Variants in HMGCL observed in about 807,000 individuals in gnomAD.
The protein encoded by HMGCL is hydroxymethylglutaryl-CoA lyase, mitochondrial.
A neutral mutation model predicts 37.3 loss-of-function variants in HMGCL; 26 were observed. The ratio of observed to expected loss-of-function variants is 0.70; its 90% CI spans 0.51 to 0.97. The LOEUF (loss-of-function observed/expected upper bound fraction) is 0.97. Among genes scored for constraint, HMGCL ranks in the 50% least tolerant of loss-of-function variants. The pLI is 0.00. For missense variants in HMGCL, 379 were observed against 398.1 expected (o/e 0.95, Z 0.41); for synonymous variants, 151 against 148.0 (o/e 1.02, Z -0.15).
intron 4 of HMGCL, among the ~76,000 whole-genome samples, chr1:23,814,989 T>C (rs964223945): frequency 9.2e-5 from 14 of 151,854 alleles, no homozygotes; most frequent in African/African-American, 3.4e-4. Context: ...GGGCAGATCA[T>C]GAGGTCAGGA....
At chr1:23,807,650 C>T (rs1425614356) in intron 7 of HMGCL, among the ~76,000 whole-genome samples, 1 of 152,204 alleles carries the variant, frequency 6.6e-6, no homozygotes, top group Non-Finnish European at 1.5e-5. Context: ...CCTCTGCTAG[C>T]TTCTCTACCT....
rs147420493 is a variant in HMGCL, at chr1:23,803,236, T to G, written c.877-672A>C. On this transcript the variant is annotated intron_variant, in intron 8 of 8. Transcript: ENST00000374490. ...TCTTTTTTTTGAGAGGGAGTCTCAC[T>G]GTGTCGCCAGGCTGGAGTACAGTGG... is the stretch of plus-strand genomic sequence containing the variant. 4.4e-3 allele frequency among the ~76,000 whole-genome samples: 675 copies of G among 152,018 alleles called. 6 individuals carry two copies. Among genetic ancestry groups the G allele is most frequent in the African/African-American group, 0.015 (638 of 41,446 alleles).
rs115611440 is a variant in HMGCL, at chr1:23,825,368, C to T, written c.48G>A (p.Ala16=). The part of the protein sequence containing the change: ...KALPRRLVGL[A]SLRAVSTSSM... Reference sequence around the variant, plus strand: ...TCGGGGCACTTACAGCCCGGAGGGACGCCAAGCCCACCAGTCGCCGCGGAA... The same window carrying T: ...TCGGGGCACTTACAGCCCGGAGGGATGCCAAGCCCACCAGTCGCCGCGGAA... Residue 16 remains alanine (A), a synonymous_variant, in exon 1 of 9, where the codon GCG becomes GCA. Coordinates refer to ENST00000374490, the MANE Select transcript of HMGCL (RefSeq NM_000191.3). 3,788 of 1,560,010 alleles carry T rather than the reference C, an allele frequency of 2.4e-3. 37 individuals are homozygous for T. In the African/African-American group the frequency reaches 0.028, roughly 11 times the overall value.
chr1:23,810,055 C>T (rs2473375), intron 6 of HMGCL: 95,346 of 153,994 alleles, frequency 0.62, 29,649 homozygotes, highest in South Asian at 0.71. Flanking sequence ...TTTGGTCATA[C>T]GGCAAGGATT....
At chr1:23,817,933 G>T (rs962970317) in intron 2 of HMGCL, among the ~76,000 whole-genome samples, 1 of 152,166 alleles carries the variant, frequency 6.6e-6, no homozygotes, top group Non-Finnish European at 1.5e-5. Context: ...TGTGTTCAGC[G>T]TATAGCTTCT....
intron 6 of HMGCL, chr1:23,810,526 G>C: frequency 1.8e-6 from 1 of 568,852 alleles, no homozygotes; most frequent in Non-Finnish European, 3.3e-6. Context: ...ATAGAGGCCA[G>C]GGGCTTCAAG....
chr1:23,823,179 C>CAAA (rs60736552), intron 1 of HMGCL, among the ~76,000 whole-genome samples: 488 of 37,090 alleles, frequency 0.013, 14 homozygotes, highest in African/African-American at 0.041. Flanking sequence ...TTCTTCATCT[C>CAAA]AAAAAAAAAA....
At chr1:23,821,869 T>G (rs1464053775) in intron 1 of HMGCL, among the ~76,000 whole-genome samples, 1 of 152,122 alleles carries the variant, frequency 6.6e-6, no homozygotes, top group African/African-American at 2.4e-5. Context: ...AAAAACTGGC[T>G]GTTCTTACAT....
chr1:23,819,960 G>A (rs1479741492), intron 2 of HMGCL, among the ~76,000 whole-genome samples: 1 of 152,128 alleles, frequency 6.6e-6, no homozygotes, highest in South Asian at 2.1e-4. Flanking sequence ...AGTCCATAGT[G>A]TATCTGACCC....
chr1:23,818,228 A>G (rs1281029665), intron 2 of HMGCL, among the ~76,000 whole-genome samples: 3 of 152,120 alleles, frequency 2.0e-5, no homozygotes, highest in African/African-American at 7.2e-5. Flanking sequence ...GGAGGCTGAG[A>G]CAGGCAGATC....
In HMGCL at chr1:23,820,492, G is replaced by A. The variant is rs1307803162; in HGVS notation, c.144+18C>T. 4 of 1,587,884 alleles carry A rather than the reference G, an allele frequency of 2.5e-6. No individual in the cohort carries two copies. The highest frequency in any genetic ancestry group is 3.5e-6 in the Non-Finnish European group (4 of 1,156,120). On this transcript the variant is annotated intron_variant, in intron 2 of 8. Transcript: ENST00000374490. Reference sequence around the variant, plus strand: ...GATGCTTGAAAAAACTGTTTTTTTGGCTCATTTCCAACTTTACCTTTTCAT... The same window carrying A: ...GATGCTTGAAAAAACTGTTTTTTTGACTCATTTCCAACTTTACCTTTTCAT...
At chr1:23,807,012 G>A (rs919713640) in intron 7 of HMGCL, 1 of 518,876 alleles carries the variant, frequency 1.9e-6, no homozygotes, top group African/African-American at 1.9e-5. Flanking sequence ...GGAAGCTACT[G>A]CCAGACGTCA....
chr1:23,806,595 G>A lies in HMGCL; in HGVS notation c.750+1540C>T, dbSNP rs1490232314. ...TCTCAAATGCTACCTTCTGAGTGAG[G>A]CCACTCTACAGAAAGGCCTGGCACT... On this transcript the variant is annotated intron_variant, in intron 7 of 8. Coordinates refer to ENST00000374490, the MANE Select transcript of HMGCL (RefSeq NM_000191.3). The surrounding 1 kb of genome is among the most constrained non-coding windows in gnomAD (Gnocchi z 4.0). The A allele has an allele frequency of 9.2e-6, 2 of 216,630 alleles. No homozygotes were observed. Among genetic ancestry groups the A allele is most frequent in the Non-Finnish European group, 1.9e-5 (2 of 105,718 alleles). 13.4% of individuals were successfully genotyped at this position (216,630 alleles called of 1,614,324 possible).
chr1:23,820,541 A>T lies in HMGCL; in HGVS notation c.113T>A (p.Val38Asp). 1 of 1,614,084 alleles carries T rather than the reference A, an allele frequency of 6.2e-7. No individual in the cohort carries two copies. Among genetic ancestry groups the T allele is most frequent in the African/African-American group, 1.3e-5 (1 of 75,022 alleles). Residue 38 changes from valine (V) to aspartate (D), a missense_variant, in exon 2 of 9, where the codon GTT (valine) becomes GAT (aspartate). Coordinates refer to ENST00000374490, the MANE Select transcript of HMGCL (RefSeq NM_000191.3). ...ATTTTGTAGTCCATCTCGGGGACCA[A>T]CTTCCACAATTTTCACCCGCTTTGG... ...TLPKRVKIVE[V>D]GPRDGLQNEK... is the part of the protein sequence containing the mutation.
At chr1:23,822,499 G>A (rs1056142398) in intron 1 of HMGCL, among the ~76,000 whole-genome samples, 5 of 151,980 alleles carry the variant, frequency 3.3e-5, no homozygotes, top group African/African-American at 1.2e-4. Flanking sequence ...ATACTACAAC[G>A]AGGCAAAGCG....
At position 23,814,200 on chromosome 1, in the gene HMGCL, A is replaced by G. The variant is rs1422050492; in HGVS notation, c.487T>C (p.Ser163Pro). The change falls in exon 5 of 9, where the codon TCT (serine) becomes CCT (proline). Residue 163 changes from serine (S) to proline (P), a missense_variant. Coordinates refer to ENST00000374490, the MANE Select transcript of HMGCL (RefSeq NM_000191.3). ...ILKAAQSANI[S>P]VRGYVSCALG... Reference sequence around the variant, plus strand: ...TGTGCTCTGACTCACCCCCGCACAGAAATATTGGCTGACTGCGCTGCCTTC... The same window carrying G: ...TGTGCTCTGACTCACCCCCGCACAGGAATATTGGCTGACTGCGCTGCCTTC... 6.2e-7 allele frequency: 1 copy of G among 1,613,866 alleles called. No homozygotes were observed. The highest frequency in any genetic ancestry group is 1.1e-5 in the South Asian group (1 of 91,062).
chr1:23,807,106 C>A (rs1468527784), intron 7 of HMGCL: 1 of 518,900 alleles, frequency 1.9e-6, no homozygotes, highest in Non-Finnish European at 3.8e-6. Flanking sequence ...CACAGAGGAG[C>A]AGGAGTGTCC....
In HMGCL at chr1:23,807,118, G is replaced by C. The variant is rs1359899039; in HGVS notation, c.750+1017C>G. On this transcript the variant is annotated intron_variant, in intron 7 of 8. Transcript: ENST00000374490. ...AAGCACAGAGGAGCAGGAGTGTCCT[G>C]AGCGTGATCAGGATGAAGTTTTGCC... 4 of 519,060 alleles carry C rather than the reference G, an allele frequency of 7.7e-6. No homozygotes were observed. In the Admixed American group the frequency reaches 7.8e-5, roughly 10 times the overall value. 32.2% of individuals were successfully genotyped at this position (519,060 alleles called of 1,614,324 possible).
chr1:23,806,336 TGAAA>T lies in HMGCL; in HGVS notation c.750+1795_750+1798del, dbSNP rs1270325775. ...TCTCTGTTAGCTTCCCAGCTCAGTCTGAAAGAGTCAAAGTCCTACAAGGCCCCCG... is the reference window on the plus strand; with the variant it reads ...TCTCTGTTAGCTTCCCAGCTCAGTCTGAGTCAAAGTCCTACAAGGCCCCCG... On this transcript the variant is annotated intron_variant, in intron 7 of 8. Transcript: ENST00000374490. This position sits in a 1 kb window ranked among gnomAD's most constrained non-coding sequence, Gnocchi z 4.0. Among the ~76,000 whole-genome samples, 1 of 152,158 alleles carries T rather than the reference TGAAA, an allele frequency of 6.6e-6. No individual in the cohort carries two copies. Among genetic ancestry groups the T allele is most frequent in the Non-Finnish European group, 1.5e-5 (1 of 68,024 alleles).
Sources: allele counts gnomAD v4.1 joint callset (sites outside exome capture counted in the v4.1 genomes callset), GRCh38; gene constraint gnomAD v4.1.1; non-coding constraint Gnocchi (gnomAD v3.1); transcripts MANE v1.5; gene names NCBI Gene and HGNC (gene_info 2026-07-23, HGNC 2026-07-21).